Variants in AGPAT4 observed in about 807,000 individuals in gnomAD.
AGPAT4 encodes the protein 1-acyl-sn-glycerol-3-phosphate acyltransferase delta.
In AGPAT4, 15 loss-of-function variants were observed where a neutral mutation model predicts 48.0. The observed-to-expected ratio is 0.31, with a 90% CI of 0.21 to 0.48. The LOEUF is 0.48. Among genes scored for constraint, AGPAT4 ranks in the 20% least tolerant of loss-of-function variants. AGPAT4 has a pLI of 0.99. For synonymous variants in AGPAT4, 178 were observed against 198.7 expected (o/e 0.90, Z 0.88); for missense variants, 314 against 482.5 (o/e 0.65, Z 3.27).
rs887715997 is a variant in AGPAT4 at position 161,231,372 on chromosome 6, CAT to C, written c.178+662_178+663del. ...TAGCATAATCAAACATACACGGACA[CAT>C]ACACACACACAAATGAGTGTACTTA... On this transcript the variant is annotated intron_variant, in intron 2 of 8. Transcript: ENST00000320285. The surrounding 1 kb of genome is among the most constrained non-coding windows in gnomAD (Gnocchi z 5.3). 1.3e-5 allele frequency among the ~76,000 whole-genome samples: 2 copies of C among 151,206 alleles called. No homozygotes were observed. Among genetic ancestry groups the C allele is most frequent in the African/African-American group, 4.9e-5 (2 of 40,566 alleles).
Position 161,222,333 on chromosome 6 carries a change from C to T in AGPAT4, c.178+9703G>A, listed in dbSNP as rs954379108. On this transcript the variant is annotated intron_variant, in intron 2 of 8. Transcript: ENST00000320285. The surrounding 1 kb of genome is among the most constrained non-coding windows in gnomAD (Gnocchi z 5.9). ...TGTATTTTTTCCAGTTTATAACATA[C>T]ATGATCATTGTGTAAAATATAAGAC... Among the ~76,000 whole-genome samples the T allele has an allele frequency of 6.6e-6, 1 of 152,156 alleles. No individual in the cohort carries two copies. Among genetic ancestry groups the T allele is most frequent in the Admixed American group, 6.5e-5 (1 of 15,272 alleles).
In AGPAT4 at chr6:161,142,346, T is replaced by G. The variant is rs1310593024; in HGVS notation, c.844-2726A>C. On this transcript the variant is annotated intron_variant, in intron 7 of 8. Transcript: ENST00000320285. This position sits in a 1 kb window ranked among gnomAD's most constrained non-coding sequence, Gnocchi z 6.4. Reference sequence around the variant, plus strand: ...GGCCCATCTTGGTTGTGGACCCGTTTTGTAATAAAATTTGCCCCGCAGGGA... The same window carrying G: ...GGCCCATCTTGGTTGTGGACCCGTTGTGTAATAAAATTTGCCCCGCAGGGA... Among the ~76,000 whole-genome samples the G allele has an allele frequency of 6.6e-6, 1 of 152,184 alleles. No individual in the cohort carries two copies. Among genetic ancestry groups the G allele is most frequent in the Non-Finnish European group, 1.5e-5 (1 of 68,034 alleles).
At position 161,139,737 on chromosome 6, in the gene AGPAT4, G is replaced by A; in HGVS notation, c.844-117C>T. On this transcript the variant is annotated intron_variant, in intron 7 of 8. Transcript: ENST00000320285. This position sits in a 1 kb window ranked among gnomAD's most constrained non-coding sequence, Gnocchi z 9.1. ...ACACAGGTGCCACCGGGGCTCGGCAGAACTGGGGTCTGCAGCTCCTTCCAG... is the reference window on the plus strand; with the variant it reads ...ACACAGGTGCCACCGGGGCTCGGCAAAACTGGGGTCTGCAGCTCCTTCCAG... 3 of 868,744 alleles carry A rather than the reference G, an allele frequency of 3.5e-6. No individual in the cohort carries two copies. Among genetic ancestry groups the A allele is most frequent in the Non-Finnish European group, 5.3e-6 (3 of 567,920 alleles). 53.8% of individuals were successfully genotyped at this position (868,744 alleles called of 1,614,324 possible). A position where few individuals can be genotyped will look rare whatever the true frequency, so the allele number is the denominator to read the frequency against.
At chr6:161,173,430 T>C (rs1245379423) in intron 2 of AGPAT4, among the ~76,000 whole-genome samples, 20 of 152,200 alleles carry the variant, frequency 1.3e-4, no homozygotes, top group African/African-American at 3.1e-4. Flanking sequence ...CTGTTGGCTG[T>C]ATAAATGTCT....
rs1029352385 is a variant in AGPAT4, at chr6:161,154,113, A to C, written c.510+36T>G. ...GGTCCCACGGTCACAGTCCTGCAGG[A>C]GCCCTTGGGACACAGCTGCTCTGGT... On this transcript the variant is annotated intron_variant, in intron 4 of 8. Transcript: ENST00000320285. The surrounding 1 kb of genome is among the most constrained non-coding windows in gnomAD (Gnocchi z 7.8). 6.2e-7 allele frequency: 1 copy of C among 1,613,534 alleles called. No homozygotes were observed. Among genetic ancestry groups the C allele is most frequent in the East Asian group, 2.2e-5 (1 of 44,858 alleles).
rs923540451 is a variant in AGPAT4 at position 161,259,140 on chromosome 6, T to G, written c.-90+14798A>C. The stretch of plus-strand genomic sequence containing the variant: ...GACAAATAAAAATTGTACATATTTA[T>G]GGTGTACAACATAATGTTATGATAT... On this transcript the variant is annotated intron_variant, in intron 1 of 8. Coordinates refer to ENST00000320285, the MANE Select transcript of AGPAT4 (RefSeq NM_020133.3). This position sits in a 1 kb window ranked among gnomAD's most constrained non-coding sequence, Gnocchi z 4.9. Among the ~76,000 whole-genome samples, 3 of 152,218 alleles carry G rather than the reference T, an allele frequency of 2.0e-5. No individual in the cohort carries two copies. The highest frequency in any genetic ancestry group is 7.2e-5 in the African/African-American group (3 of 41,442).
At position 161,272,516 on chromosome 6, in the gene AGPAT4, TAA is replaced by T. The variant is rs1039629387; in HGVS notation, c.-90+1420_-90+1421del. ...TACCTGTTAAGAGGCTATGTCTTTC[TAA>T]GAGATGTGTTATTTGATTCTAATTA... is the stretch of plus-strand genomic sequence containing the variant. On this transcript the variant is annotated intron_variant, in intron 1 of 8. Transcript: ENST00000320285. This position sits in a 1 kb window ranked among gnomAD's most constrained non-coding sequence, Gnocchi z 4.2. Among the ~76,000 whole-genome samples, 6 of 152,244 alleles carry T rather than the reference TAA, an allele frequency of 3.9e-5. No homozygotes were observed. Among genetic ancestry groups the T allele is most frequent in the Non-Finnish European group, 8.8e-5 (6 of 68,044 alleles).
At chr6:161,183,797 C>T (rs1021301062) in intron 2 of AGPAT4, among the ~76,000 whole-genome samples, 1 of 149,058 alleles carries the variant, frequency 6.7e-6, no homozygotes, top group Non-Finnish European at 1.5e-5. Flanking sequence ...TCAGATGACG[C>T]GTATATGAGA....
In AGPAT4 at chr6:161,155,787, T is replaced by C. The variant is rs1438179701; in HGVS notation, c.349-1477A>G. Among the ~76,000 whole-genome samples the C allele has an allele frequency of 6.6e-6, 1 of 152,250 alleles. No homozygotes were observed. The highest frequency in any genetic ancestry group is 2.4e-5 in the African/African-American group (1 of 41,470). On this transcript the variant is annotated intron_variant, in intron 3 of 8. Transcript: ENST00000320285. This position sits in a 1 kb window ranked among gnomAD's most constrained non-coding sequence, Gnocchi z 5.8. ...GCGGGTGTGAGGGCTTACCGTGTGCTGTGCCCATGGTATTTTTTAAAATTA... is the reference window on the plus strand; with the variant it reads ...GCGGGTGTGAGGGCTTACCGTGTGCCGTGCCCATGGTATTTTTTAAAATTA...
At chr6:161,224,640 C>CA (rs71543000) in intron 2 of AGPAT4, among the ~76,000 whole-genome samples, 14,690 of 78,300 alleles carry the variant, frequency 0.19, 1,218 homozygotes, top group Middle Eastern at 0.25. Context: ...GACTCCTTCT[C>CA]AAAAAAAAAA....
intron 3 of AGPAT4, among the ~76,000 whole-genome samples, chr6:161,156,478 G>A (rs1779771372): frequency 6.6e-6 from 1 of 152,202 alleles, no homozygotes; most frequent in South Asian, 2.1e-4. Context: ...CTAATTTAGA[G>A]CCACTAAAAC....
chr6:161,136,907 C>T (rs974153329), intron 8 of AGPAT4, among the ~76,000 whole-genome samples: 1 of 152,178 alleles, frequency 6.6e-6, no homozygotes, highest in African/African-American at 2.4e-5. Context: ...CACAGCCGTT[C>T]GCAGGGACTC....
intron 1 of AGPAT4, among the ~76,000 whole-genome samples, chr6:161,269,513 C>T (rs867529245): frequency 2.0e-4 from 30 of 152,258 alleles, no homozygotes; most frequent in South Asian, 1.7e-3. Context: ...CGGTGGCTCA[C>T]GCCTGCAGTC....
Position 161,259,447 on chromosome 6 carries a change from C to T in AGPAT4, c.-90+14491G>A, listed in dbSNP as rs1783039317. On this transcript the variant is annotated intron_variant, in intron 1 of 8. Coordinates refer to ENST00000320285, the MANE Select transcript of AGPAT4 (RefSeq NM_020133.3). The surrounding 1 kb of genome is among the most constrained non-coding windows in gnomAD (Gnocchi z 4.9). ...TGGTGATCACGGACTTTTGTAGAGC[C>T]ACCCGGTCTTTTGCAGGGCGGTCTG... Among the ~76,000 whole-genome samples, 2 of 151,956 alleles carry T rather than the reference C, an allele frequency of 1.3e-5. No individual in the cohort carries two copies.
intron 2 of AGPAT4, among the ~76,000 whole-genome samples, chr6:161,181,478 G>T (rs1297644057): frequency 1.3e-5 from 2 of 150,716 alleles, no homozygotes; most frequent in Admixed American, 1.3e-4. Flanking sequence ...CTGGGTATTA[G>T]GCCATGCAGA....
At chr6:161,260,824 G>T (rs983659709) in intron 1 of AGPAT4, among the ~76,000 whole-genome samples, 2 of 152,150 alleles carry the variant, frequency 1.3e-5, no homozygotes, top group Admixed American at 1.3e-4. Flanking sequence ...GGGAGGTCAA[G>T]GTTGAAGTGA....
intron 1 of AGPAT4, among the ~76,000 whole-genome samples, chr6:161,265,923 G>C (rs1319106831): frequency 6.6e-6 from 1 of 152,158 alleles, no homozygotes; most frequent in African/African-American, 2.4e-5. Flanking sequence ...CCCATGTAAA[G>C]TATTTCTTCA....
In AGPAT4 at chr6:161,245,683, T is replaced by C. The variant is rs1782627849; in HGVS notation, c.-89-13381A>G. Among the ~76,000 whole-genome samples the C allele has an allele frequency of 6.6e-6, 1 of 152,106 alleles. No individual in the cohort carries two copies. Among genetic ancestry groups the C allele is most frequent in the Non-Finnish European group, 1.5e-5 (1 of 68,018 alleles). On this transcript the variant is annotated intron_variant, in intron 1 of 8. Transcript: ENST00000320285. The surrounding 1 kb of genome is among the most constrained non-coding windows in gnomAD (Gnocchi z 5.2). Reference sequence around the variant, plus strand: ...CTTTTCTCTTTGGTAGGCCCCTCCCTCTCCTACTCACTGTCCGTGAAGTGC... The same window carrying C: ...CTTTTCTCTTTGGTAGGCCCCTCCCCCTCCTACTCACTGTCCGTGAAGTGC...
chr6:161,192,842 C>A (rs1780963973), intron 2 of AGPAT4, among the ~76,000 whole-genome samples: 1 of 152,194 alleles, frequency 6.6e-6, no homozygotes, highest in African/African-American at 2.4e-5. Context: ...ATTGCATCAT[C>A]TTCTGGCTTC....
Sources: allele counts gnomAD v4.1 joint callset (sites outside exome capture counted in the v4.1 genomes callset), GRCh38; gene constraint gnomAD v4.1.1; non-coding constraint Gnocchi (gnomAD v3.1); transcripts MANE v1.5; gene names NCBI Gene and HGNC (gene_info 2026-07-23, HGNC 2026-07-21).